The following PAK3 variants were observed in gnomAD, a reference collection of about 807,000 sequenced individuals.
PAK3 encodes the protein p21 (RAC1) activated kinase 3.
PAK3 carries 4 observed loss-of-function variants against 41.0 expected under a neutral mutation model. The observed-to-expected ratio is 0.10, with a 90% CI of 0.05 to 0.22. PAK3 has a LOEUF of 0.22. Ranked by LOEUF, PAK3 falls within the 10% of genes least tolerant of loss-of-function variation. PAK3 has a pLI of 1.00. For synonymous variants in PAK3, 146 were observed against 139.6 expected (o/e 1.05, Z -0.32); for missense variants, 205 against 409.9 (o/e 0.50, Z 4.32).
chrX:111,162,028 T>C (rs1195066308), intron 8 of PAK3, among the ~76,000 whole-genome samples: 2 of 111,769 alleles, frequency 1.8e-5, no homozygotes, highest in African/African-American at 6.5e-5. Context: ...CTTGTTATAA[T>C]ACAGATCGCT....
chrX:111,051,801 T>C (rs914845660), intron 1 of PAK3, among the ~76,000 whole-genome samples: 1 of 111,825 alleles, frequency 8.9e-6, no homozygotes, highest in African/African-American at 3.3e-5. Context: ...AGTGAAATGA[T>C]TAGATACTTC....
intron 11 of PAK3, among the ~76,000 whole-genome samples, chrX:111,186,600 G>C (rs1028298391): frequency 3.6e-5 from 4 of 111,213 alleles, no homozygotes; most frequent in African/African-American, 1.3e-4. Context: ...CCTCTTCAAG[G>C]AGAACTACAA....
chrX:110,950,737 T>C (rs1047352526), intron 1 of PAK3, among the ~76,000 whole-genome samples: 2 of 112,268 alleles, frequency 1.8e-5, no homozygotes, highest in African/African-American at 6.5e-5. Flanking sequence ...TATTTTTACA[T>C]TATTAAATAT....
intron 1 of PAK3, among the ~76,000 whole-genome samples, chrX:111,047,201 G>A (rs2092507590): frequency 8.9e-6 from 1 of 112,065 alleles, no homozygotes; most frequent in Admixed American, 9.5e-5. Flanking sequence ...GAGAGACAAA[G>A]AGGACTAATG....
chrX:111,112,337 C>G (rs189709803), intron 4 of PAK3, among the ~76,000 whole-genome samples: 148 of 110,265 alleles, frequency 1.3e-3, no homozygotes, highest in African/African-American at 4.3e-3. Context: ...GACTGTACTT[C>G]CCCTGTGAAG....
In PAK3 at chrX:111,224,179, T is replaced by A. The variant is rs780174205; in HGVS notation, c.*3732T>A. ...GGCACACGCTTTCTTAGGAGACTAT[T>A]ATCTATAAGTTAAAGCTAGGGAGAT... On this transcript the variant is annotated 3_prime_UTR_variant, in exon 18 of 18. Coordinates refer to ENST00000372007, the MANE Select transcript of PAK3 (RefSeq NM_002578.5). 9.0e-6 allele frequency: 1 copy of A among 111,419 alleles called. No individual in the cohort carries two copies. The highest frequency in any genetic ancestry group is 1.9e-5 in the Non-Finnish European group (1 of 53,083). The allele number at this position is 111,419 out of a possible 1,213,427, so 9.2% of individuals were successfully genotyped here.
chrX:111,022,567 T>C (rs1354221162), intron 1 of PAK3, among the ~76,000 whole-genome samples: 1 of 110,346 alleles, frequency 9.1e-6, no homozygotes, highest in African/African-American at 3.3e-5. Flanking sequence ...TACAACAAAA[T>C]AGAACCTCCT....
At chrX:111,135,306 A>T (rs1483381028) in intron 5 of PAK3, among the ~76,000 whole-genome samples, 1 of 111,909 alleles carries the variant, frequency 8.9e-6, no homozygotes, top group Non-Finnish European at 1.9e-5. Context: ...GATAGAGAAA[A>T]GCACTTAATT....
At chrX:111,197,703 T>A in intron 16 of PAK3, among the ~76,000 whole-genome samples, 1 of 111,258 alleles carries the variant, frequency 9.0e-6, no homozygotes, top group Middle Eastern at 4.7e-3. Flanking sequence ...TTGACTTTTT[T>A]TTTTTGAGAC....
At chrX:111,108,491 C>T (rs1028127279) in intron 4 of PAK3, among the ~76,000 whole-genome samples, 3 of 112,354 alleles carry the variant, frequency 2.7e-5, no homozygotes, top group African/African-American at 6.5e-5. Flanking sequence ...AGCATTACTT[C>T]CTGAGCTCCA....
intron 1 of PAK3, among the ~76,000 whole-genome samples, chrX:111,083,024 T>G (rs925651882): frequency 1.8e-5 from 2 of 112,420 alleles, no homozygotes; most frequent in Non-Finnish European, 3.8e-5. Flanking sequence ...GCCAAAGAAA[T>G]ATTTAAAAGA....
chrX:111,076,149 T>A (rs186279746), intron 1 of PAK3, among the ~76,000 whole-genome samples: 45 of 111,768 alleles, frequency 4.0e-4, no homozygotes, highest in Non-Finnish European at 7.5e-4. Context: ...TTAATGCTGG[T>A]ATGAGTTAAG....
chrX:111,213,695 T>A (rs1186825549), intron 16 of PAK3, among the ~76,000 whole-genome samples: 1 of 111,321 alleles, frequency 9.0e-6, no homozygotes, highest in Non-Finnish European at 1.9e-5. Flanking sequence ...AACAGTGACT[T>A]TGGGGAAGTT....
intron 8 of PAK3, among the ~76,000 whole-genome samples, chrX:111,154,955 C>T (rs2094083588): frequency 9.0e-6 from 1 of 110,964 alleles, no homozygotes; most frequent in Non-Finnish European, 1.9e-5. Context: ...TTGTTTTCTC[C>T]TAAGATATTA....
chrX:111,187,087 T>G (rs2094518471), intron 11 of PAK3, among the ~76,000 whole-genome samples: 1 of 112,162 alleles, frequency 8.9e-6, no homozygotes, highest in Non-Finnish European at 1.9e-5. Context: ...TTATTAATAG[T>G]TTATTTATTG....
chrX:110,969,178 C>A (rs922101812), intron 1 of PAK3, among the ~76,000 whole-genome samples: 3 of 93,265 alleles, frequency 3.2e-5, no homozygotes, highest in African/African-American at 1.2e-4. Context: ...AAACTCCCGA[C>A]CTCAGGTGAT....
chrX:111,016,061 G>A (rs1342441978), intron 1 of PAK3, among the ~76,000 whole-genome samples: 1 of 112,374 alleles, frequency 8.9e-6, no homozygotes, highest in Non-Finnish European at 1.9e-5. Context: ...AAGGTACAGT[G>A]CATGATTCCT....
intron 17 of PAK3, chrX:111,217,007 T>C (rs2094886881): frequency 1.3e-6 from 1 of 751,464 alleles, no homozygotes; most frequent in Admixed American, 8.7e-5. Flanking sequence ...GGCACCTGCT[T>C]GCCTGGGTGA....
intron 1 of PAK3, among the ~76,000 whole-genome samples, chrX:110,992,243 A>C (rs866724255): frequency 9.0e-6 from 1 of 111,169 alleles, no homozygotes; most frequent in Non-Finnish European, 1.9e-5. Flanking sequence ...AATCAGGAGG[A>C]TATCTGGCAT....
Sources: gnomAD v4.1 joint callset for allele counts (sites outside exome capture counted in the v4.1 genomes callset) on GRCh38, gnomAD v4.1.1 for gene constraint, MANE v1.5 for transcripts, NCBI Gene and HGNC (gene_info 2026-07-23, HGNC 2026-07-21) for gene names.